CATSPERE: variants seen among roughly 807,000 people sequenced by gnomAD.
CATSPERE encodes the protein catsper channel auxiliary subunit epsilon.
Under a neutral mutation model 114.1 loss-of-function variants are expected in CATSPERE, and 93 were observed. The observed-to-expected ratio is 0.81, with a 90% CI of 0.69 to 0.97. The LOEUF is 0.97. Ranked by LOEUF, CATSPERE falls within the 50% of genes least tolerant of loss-of-function variation. CATSPERE has a pLI of 0.00. For synonymous variants in CATSPERE, 341 were observed against 384.1 expected (o/e 0.89, Z 1.31); for missense variants, 1,058 against 1,131.6 (o/e 0.93, Z 0.93).
intron 4 of CATSPERE, among the ~76,000 whole-genome samples, chr1:244,478,424 A>T (rs1669711121): frequency 1.3e-5 from 2 of 152,238 alleles, no homozygotes; most frequent in African/African-American, 4.8e-5. Flanking sequence ...TACCAAAAAC[A>T]CCCAAAGGCA....
chr1:244,608,386 A>G (rs1378749705), intron 18 of CATSPERE, among the ~76,000 whole-genome samples: 1 of 151,778 alleles, frequency 6.6e-6, no homozygotes, highest in Non-Finnish European at 1.5e-5. Context: ...AAATTTTTCA[A>G]TTAGCCAGGT....
At position 244,617,526 on chromosome 1, in the gene CATSPERE, C is replaced by T; in HGVS notation, c.2491-3C>T. 6.7e-7 allele frequency: 1 copy of T among 1,484,774 alleles called. No homozygotes were observed. Among genetic ancestry groups the T allele is most frequent in the Non-Finnish European group, 8.9e-7 (1 of 1,123,186 alleles). 92.0% of individuals were successfully genotyped at this position (1,484,774 alleles called of 1,614,324 possible). Reference sequence around the variant, plus strand: ...AAAATTTTTGTCTTTGTTTCTTGTTCAGAACTATAAACACTGTTTTTCTTA... The same window carrying T: ...AAAATTTTTGTCTTTGTTTCTTGTTTAGAACTATAAACACTGTTTTTCTTA... On this transcript the variant is annotated splice_region_variant and splice_polypyrimidine_tract_variant and intron_variant, in intron 19 of 21. Coordinates refer to ENST00000366534, the MANE Select transcript of CATSPERE (RefSeq NM_001130957.2).
chr1:244,563,634 G>A (rs1260374048), intron 10 of CATSPERE, among the ~76,000 whole-genome samples: 2 of 152,096 alleles, frequency 1.3e-5, no homozygotes, highest in African/African-American at 4.8e-5. Context: ...ATTTGTTCAG[G>A]TTTTTGTAGA....
intron 8 of CATSPERE, among the ~76,000 whole-genome samples, chr1:244,523,886 C>G (rs1572552552): frequency 1.3e-5 from 2 of 148,240 alleles, no homozygotes; most frequent in Admixed American, 1.3e-4. Flanking sequence ...TAGGAAGAAT[C>G]AATATCGTGA....
rs143962414 is a variant in CATSPERE at position 244,548,819 on chromosome 1, GTGT to G, written c.537-3498_537-3496del. On this transcript the variant is annotated intron_variant, in intron 8 of 21. Coordinates refer to ENST00000366534, the MANE Select transcript of CATSPERE (RefSeq NM_001130957.2). ...TGCTCTGAATCATGCCTAATATATGGTGTTGTTTTTCTGATTGCCAGGATTCTC... is the reference window on the plus strand; with the variant it reads ...TGCTCTGAATCATGCCTAATATATGGTGTTTTTCTGATTGCCAGGATTCTC... 6.6e-3 allele frequency among the ~76,000 whole-genome samples: 1,000 copies of G among 152,280 alleles called. 5 individuals carry two copies. Among genetic ancestry groups the G allele is most frequent in the Non-Finnish European group, 0.012 (817 of 68,016 alleles).
chr1:244,623,850 A>G (rs1672717002), intron 20 of CATSPERE, among the ~76,000 whole-genome samples: 1 of 152,208 alleles, frequency 6.6e-6, no homozygotes, highest in South Asian at 2.1e-4. Flanking sequence ...AATGCCAACA[A>G]TCATCTGCGC....
chr1:244,495,284 T>C (rs367822448), intron 6 of CATSPERE, among the ~76,000 whole-genome samples: 5 of 152,346 alleles, frequency 3.3e-5, no homozygotes, highest in Admixed American at 6.5e-5. Context: ...ATGAATATTA[T>C]TCCTTTTTTG....
intron 8 of CATSPERE, among the ~76,000 whole-genome samples, chr1:244,531,246 A>G (rs1679548682): frequency 7.6e-6 from 1 of 131,032 alleles, no homozygotes. Flanking sequence ...AAAAAAAAAA[A>G]AAAAAAAAAA....
intron 2 of CATSPERE, among the ~76,000 whole-genome samples, chr1:244,474,636 C>T (rs1668993971): frequency 6.6e-6 from 1 of 151,420 alleles, no homozygotes; most frequent in Admixed American, 6.6e-5. Flanking sequence ...TTCAGGATCT[C>T]TGGATATATG....
chr1:244,544,827 C>A (rs903026580), intron 8 of CATSPERE, among the ~76,000 whole-genome samples: 1 of 152,192 alleles, frequency 6.6e-6, no homozygotes, highest in Admixed American at 6.5e-5. Flanking sequence ...ATTGCTTGAG[C>A]AAATTAACAC....
intron 18 of CATSPERE, among the ~76,000 whole-genome samples, chr1:244,606,106 G>A (rs911466319): frequency 1.3e-5 from 2 of 152,098 alleles, no homozygotes; most frequent in African/African-American, 4.8e-5. Context: ...TTGGCTTTAG[G>A]ACATTTATCA....
At chr1:244,566,794 T>G (rs1663629767) in intron 10 of CATSPERE, among the ~76,000 whole-genome samples, 1 of 151,634 alleles carries the variant, frequency 6.6e-6, no homozygotes, top group Non-Finnish European at 1.5e-5. Flanking sequence ...TCTTGACTCT[T>G]GATCCAATTT....
At chr1:244,520,153 C>T (rs1303509842) in intron 8 of CATSPERE, among the ~76,000 whole-genome samples, 1 of 152,140 alleles carries the variant, frequency 6.6e-6, no homozygotes, top group African/African-American at 2.4e-5. Flanking sequence ...TTCCTAATTA[C>T]CTGTTTTTTT....
intron 20 of CATSPERE, among the ~76,000 whole-genome samples, chr1:244,623,989 TCTCA>T: frequency 6.6e-6 from 1 of 151,728 alleles, no homozygotes. Flanking sequence ...TGAGACGGAG[TCTCA>T]CTCTGTCGCC....
At chr1:244,489,449 GATTTTTT>G (rs1671591256) in intron 5 of CATSPERE, among the ~76,000 whole-genome samples, 1 of 87,348 alleles carries the variant, frequency 1.1e-5, no homozygotes, top group East Asian at 3.2e-4. Context: ...GAAGCATGCA[GATTTTTT>G]TTTTTTTTTT....
intron 10 of CATSPERE, among the ~76,000 whole-genome samples, chr1:244,567,383 A>G (rs1039500162): frequency 8.6e-5 from 13 of 151,990 alleles, no homozygotes; most frequent in African/African-American, 2.9e-4. Context: ...CTGAATTTGA[A>G]TGTTGGCCTG....
chr1:244,639,678 C>CAAA (rs33986693), intron 21 of CATSPERE, among the ~76,000 whole-genome samples: 92,774 of 135,950 alleles, frequency 0.68, 32,050 homozygotes, highest in Middle Eastern at 0.81. Context: ...GACTCCATCT[C>CAAA]AAAAAAAAAA....
At chr1:244,561,574 C>T (rs1372669508) in intron 10 of CATSPERE, among the ~76,000 whole-genome samples, 1 of 152,044 alleles carries the variant, frequency 6.6e-6, no homozygotes, top group Non-Finnish European at 1.5e-5. Context: ...GGGCCGTGTT[C>T]CCTCTGAAAC....
intron 1 of CATSPERE, among the ~76,000 whole-genome samples, chr1:244,455,112 T>G (rs1666008594): frequency 6.6e-6 from 1 of 152,198 alleles, no homozygotes; most frequent in African/African-American, 2.4e-5. Flanking sequence ...GGAAGCACAA[T>G]AGAAACTGCT....
Sources: allele counts gnomAD v4.1 joint callset (sites outside exome capture counted in the v4.1 genomes callset), GRCh38; gene constraint gnomAD v4.1.1; transcripts MANE v1.5; gene names NCBI Gene and HGNC (gene_info 2026-07-23, HGNC 2026-07-21).